Variants in UGT1A7 observed in about 807,000 individuals in gnomAD.
UGT1A7 encodes the protein UDP-glucuronosyltransferase 1A7.
A neutral mutation model predicts 45.6 loss-of-function variants in UGT1A7; 33 were observed. That is an observed-to-expected ratio of 0.72 (90% CI 0.55 to 0.97). The LOEUF is 0.97. Ranked by LOEUF, UGT1A7 falls within the 50% of genes least tolerant of loss-of-function variation. UGT1A7 has a pLI of 0.00. For missense variants in UGT1A7, 684 were observed against 666.2 expected, an observed-to-expected ratio of 1.03 and a Z score of -0.29; for synonymous variants, 274 against 250.6, an observed-to-expected ratio of 1.09 and a Z score of -0.88.
At chr2:233,767,231 C>A in intron 2 of UGT1A7, 66 bp downstream of exon 2, 1 of 1,609,938 alleles carries the variant, frequency 6.2e-7, no homozygotes, top group Non-Finnish European at 8.5e-7. Flanking sequence ...AGACTTCCAG[C>A]TTCCAGATTA....
At chr2:233,704,065 A>AT (rs1378377805) in intron 1 of UGT1A7, among the ~76,000 whole-genome samples, 22 of 151,732 alleles carry the variant, frequency 1.4e-4, no homozygotes, top group African/African-American at 5.1e-4. Flanking sequence ...TAATTTTTGT[A>AT]TTTTTTATAG....
chr2:233,744,157 C>T (rs1692711492), intron 1 of UGT1A7: 1 of 298,558 alleles, frequency 3.3e-6, no homozygotes, highest in Non-Finnish European at 6.5e-6. Flanking sequence ...AGACCAGGCC[C>T]CGCCCACTCC....
chr2:233,701,495 T>C (rs1430825762), intron 1 of UGT1A7, among the ~76,000 whole-genome samples: 1 of 152,142 alleles, frequency 6.6e-6, no homozygotes, highest in Non-Finnish European at 1.5e-5. Flanking sequence ...CAAGCGGACC[T>C]AATAGACATC....
In UGT1A7 at chr2:233,700,897, G is replaced by A. The variant is rs567027722; in HGVS notation, c.855+18105G>A. 8.2e-5 allele frequency among the ~76,000 whole-genome samples: 12 copies of A among 147,132 alleles called. 1 individual carries two copies. The East Asian group carries it at 2.2e-3, about 26-fold the overall frequency. ...CTCCCCCCACCCCACAACAGTCCCC[G>A]GTGTGTGACGTTCCTCTTCCTGTGT... is the stretch of plus-strand genomic sequence containing the variant. On this transcript the variant is annotated intron_variant, in intron 1 of 4. Coordinates refer to ENST00000373426, the MANE Select transcript of UGT1A7 (RefSeq NM_019077.3).
intron 1 of UGT1A7, among the ~76,000 whole-genome samples, chr2:233,739,319 A>G (rs1691051030): frequency 3.3e-5 from 5 of 152,150 alleles, no homozygotes; most frequent in Admixed American, 3.3e-4. Flanking sequence ...AGTTGTGAGA[A>G]GAAGGCCACA....
At chr2:233,720,408 G>T (rs886330987) in intron 1 of UGT1A7, among the ~76,000 whole-genome samples, 1 of 152,092 alleles carries the variant, frequency 6.6e-6, no homozygotes, top group African/African-American at 2.4e-5. Context: ...GTGGGTGGAA[G>T]GGACTAGGGA....
intron 1 of UGT1A7, chr2:233,713,821 G>C: frequency 1.2e-6 from 2 of 1,614,060 alleles, no homozygotes; most frequent in Non-Finnish European, 1.7e-6. Flanking sequence ...GTCTTCATTG[G>C]GGGCATCAAC....
chr2:233,709,027 C>A (rs2076053667), intron 1 of UGT1A7, among the ~76,000 whole-genome samples: 1 of 152,124 alleles, frequency 6.6e-6, no homozygotes, highest in Non-Finnish European at 1.5e-5. Context: ...GCAGCAGGGG[C>A]TTCAGCCTGA....
chr2:233,756,091 CATT>C (rs1696120004), intron 1 of UGT1A7: 1 of 152,178 alleles, frequency 6.6e-6, no homozygotes, highest in Admixed American at 6.5e-5. Context: ...AATCAAGTAA[CATT>C]ATTACGGAAA....
intron 3 of UGT1A7, 57 bp from the exon 4 acceptor site, chr2:233,768,163 T>A: frequency 6.2e-7 from 1 of 1,613,480 alleles, no homozygotes; most frequent in Non-Finnish European, 8.5e-7. Flanking sequence ...CCTAGATGTG[T>A]CCAGCTGTGA....
intron 1 of UGT1A7, among the ~76,000 whole-genome samples, chr2:233,724,763 C>T (rs1463546601): frequency 2.8e-5 from 4 of 143,224 alleles, no homozygotes; most frequent in African/African-American, 8.0e-5. Context: ...GATGGGCGGC[C>T]AGGCAGAGAC....
At chr2:233,715,323 T>A (rs1156310417) in intron 1 of UGT1A7, among the ~76,000 whole-genome samples, 1 of 152,206 alleles carries the variant, frequency 6.6e-6, no homozygotes, top group Non-Finnish European at 1.5e-5. Context: ...TTATACATAG[T>A]GATTAGATTG....
chr2:233,693,878 A>C (rs1489546628), intron 1 of UGT1A7: 1 of 1,613,932 alleles, frequency 6.2e-7, no homozygotes. Flanking sequence ...TGGTGGGTTT[A>C]TTTCTTTTGG....
intron 1 of UGT1A7, among the ~76,000 whole-genome samples, chr2:233,683,644 C>T (rs1038099804): frequency 1.3e-5 from 2 of 152,092 alleles, no homozygotes; most frequent in African/African-American, 2.4e-5. Context: ...AAATTTTGCA[C>T]TTTATAAAAG....
intron 1 of UGT1A7, among the ~76,000 whole-genome samples, chr2:233,752,978 A>C (rs961719654): frequency 2.0e-5 from 3 of 152,180 alleles, no homozygotes; most frequent in Admixed American, 6.5e-5. Context: ...AATTGTGTAG[A>C]TACAAACCCA....
At chr2:233,767,761 G>A in intron 2 of UGT1A7, 88 bp from the exon 3 acceptor site, 6 of 1,606,158 alleles carry the variant, frequency 3.7e-6, no homozygotes, top group Non-Finnish European at 5.1e-6. Context: ...TCCTTCAGAG[G>A]ACCCCTGTTT....
chr2:233,754,874 G>C, intron 1 of UGT1A7: 2 of 1,352,006 alleles, frequency 1.5e-6, no homozygotes, highest in Admixed American at 1.9e-5. Flanking sequence ...CTCTGCTTCT[G>C]CTTCCCAGGG....
chr2:233,760,348 G>A (rs759212811), intron 1 of UGT1A7: 2 of 1,613,950 alleles, frequency 1.2e-6, no homozygotes, highest in Admixed American at 1.7e-5. Flanking sequence ...GTGTGTGCTG[G>A]GCCCAGTGGT....
At chr2:233,718,649 C>T (rs1013351620) in intron 1 of UGT1A7, 54 of 1,503,054 alleles carry the variant, frequency 3.6e-5, no homozygotes, top group Middle Eastern at 2.4e-4. Context: ...GGGCCCATAA[C>T]GAAAGGCAGT....
Sources: allele counts gnomAD v4.1 joint callset (sites outside exome capture counted in the v4.1 genomes callset), GRCh38; gene constraint gnomAD v4.1.1; transcripts MANE v1.5; gene names NCBI Gene and HGNC (gene_info 2026-07-23, HGNC 2026-07-21).